DNAJB9: variants seen among roughly 807,000 people sequenced by gnomAD.
DNAJB9 encodes the protein DnaJ heat shock protein family (Hsp40) member B9, also known as dnaJ homolog subfamily B member 9.
A neutral mutation model predicts 19.2 loss-of-function variants in DNAJB9; 12 were observed. That is an observed-to-expected ratio of 0.62 (90% CI 0.40 to 1.01). The LOEUF (loss-of-function observed/expected upper bound fraction) is 1.01. DNAJB9 is among the 50% of genes least tolerant of loss of function. The pLI is 0.00. For synonymous variants in DNAJB9, 83 were observed against 84.0 expected (o/e 0.99, Z 0.07); for missense variants, 272 against 261.1 (o/e 1.04, Z -0.29).
Position 108,571,813 on chromosome 7 carries a change from T to A in DNAJB9, c.87T>A (p.Asp29Glu). The A allele has an allele frequency of 2.5e-6, 4 of 1,614,174 alleles. No individual in the cohort carries two copies. The highest frequency in any genetic ancestry group is 2.5e-6 in the Non-Finnish European group (3 of 1,180,018). The change falls in exon 2 of 3, where the codon GAT becomes GAA. Residue 29 changes from aspartate to glutamate, a missense_variant. Asp to Glu is a conservative substitution (Grantham distance 45). Coordinates refer to ENST00000249356, the MANE Select transcript of DNAJB9 (RefSeq NM_012328.3). Reference protein sequence around the residue: ...ELILASKSYYDILGVPKSASE... With the variant: ...ELILASKSYYEILGVPKSASE... ...TTCTGGCCTCAAAAAGCTACTATGA[T>A]ATCTTAGGTGTGCCAAAATCGGCAT...
chr7:108,571,181 C>A (rs968759060), intron 1 of DNAJB9, among the ~76,000 whole-genome samples: 1 of 152,016 alleles, frequency 6.6e-6, no homozygotes, highest in African/African-American at 2.4e-5. Flanking sequence ...TATTAAGATT[C>A]TCTATTTGCA....
chr7:108,573,611 G>T lies in DNAJB9; in HGVS notation c.*258G>T, dbSNP rs1353578590. The T allele has an allele frequency of 6.6e-6, 2 of 303,452 alleles. No homozygotes were observed. Among genetic ancestry groups the T allele is most frequent in the Non-Finnish European group, 1.2e-5 (2 of 166,926 alleles). 18.8% of individuals were successfully genotyped at this position (303,452 alleles called of 1,614,324 possible). On this transcript the variant is annotated 3_prime_UTR_variant, in exon 3 of 3. Coordinates refer to ENST00000249356, the MANE Select transcript of DNAJB9 (RefSeq NM_012328.3). ...TTTGCCTAGTGCTTTTTCTCTACCT[G>T]CCCTTGGGCTCACTAATATCACCAG...
rs1029120310 is a variant in DNAJB9 at position 108,572,842 on chromosome 7, A to G, written c.218-57A>G. 2.0e-5 allele frequency: 28 copies of G among 1,375,082 alleles called. No homozygotes were observed. The African/African-American group carries it at 2.9e-4, about 14-fold the overall frequency. The allele number at this position is 1,375,082 out of a possible 1,614,324, so 85.2% of individuals were successfully genotyped here. A position where few individuals can be genotyped will look rare whatever the true frequency, so the allele number is the denominator to read the frequency against. ...TTCACTTGCTTGAAGAGATTTGAAT[A>G]TATGTAATTTTGAATATTTTACCTT... is the stretch of plus-strand genomic sequence containing the variant. On this transcript the variant is annotated intron_variant, in intron 2 of 2. Transcript: ENST00000249356.
intron 1 of DNAJB9, 25 bp from the exon 2 acceptor site, chr7:108,571,692 C>T (rs1460240414): frequency 6.4e-7 from 1 of 1,567,100 alleles, no homozygotes; most frequent in Non-Finnish European, 8.7e-7. Context: ...CCATCCATAA[C>T]ATTTTTTTTT....
chr7:108,572,180 T>C (rs1235613826), intron 2 of DNAJB9: 1 of 373,228 alleles, frequency 2.7e-6, no homozygotes, highest in African/African-American at 2.1e-5. Flanking sequence ...ATATTGAAAA[T>C]CTATTCTATA....
At position 108,573,413 on chromosome 7, in the gene DNAJB9, AAACAATTTTCTGTG is replaced by A; in HGVS notation, c.*64_*77del. 1 of 1,297,816 alleles carries A rather than the reference AAACAATTTTCTGTG, an allele frequency of 7.7e-7. No homozygotes were observed. Among genetic ancestry groups the A allele is most frequent in the Non-Finnish European group, 1.0e-6 (1 of 974,602 alleles). 80.4% of individuals were successfully genotyped at this position (1,297,816 alleles called of 1,614,324 possible). On this transcript the variant is annotated 3_prime_UTR_variant, in exon 3 of 3. Transcript: ENST00000249356. ...ACTCTTCCTCATTATCTTTGATGCT[AAACAATTTTCTGTG>A]AACTATTTTGACAAGTGCATGATTT...
chr7:108,570,232 T>C (rs903142680), intron 1 of DNAJB9, 129 bp downstream of exon 1: 2 of 152,308 alleles, frequency 1.3e-5, no homozygotes, highest in Admixed American at 1.3e-4. Flanking sequence ...CTGCATGTTT[T>C]TGGCCGAGAG....
chr7:108,571,550 T>G (rs372337414), intron 1 of DNAJB9, among the ~76,000 whole-genome samples, 167 bp from the exon 2 acceptor site: 1 of 152,178 alleles, frequency 6.6e-6, no homozygotes, highest in Non-Finnish European at 1.5e-5. Context: ...TAAGCCAGTT[T>G]GAGAGTTATA....
At position 108,573,658 on chromosome 7, in the gene DNAJB9, G is replaced by C. The variant is rs377765156; in HGVS notation, c.*305G>C. 1.4e-5 allele frequency: 3 copies of C among 214,820 alleles called. No individual in the cohort carries two copies. The highest frequency in any genetic ancestry group is 2.7e-5 in the Non-Finnish European group (3 of 110,102). The allele number at this position is 214,820 out of a possible 1,614,324, so 13.3% of individuals were successfully genotyped here. On this transcript the variant is annotated 3_prime_UTR_variant, in exon 3 of 3. Transcript: ENST00000249356. ...CCAGTATTATTACCAAGAAAATATT[G>C]AGTTTACCTGATTAAACTTTAAAAG...
At chr7:108,570,253 CGGAGACA>C (rs1300949180) in intron 1 of DNAJB9, 150 bp downstream of exon 1, 2 of 152,252 alleles carry the variant, frequency 1.3e-5, no homozygotes, top group African/African-American at 4.8e-5. Context: ...AATGGAAGAA[CGGAGACA>C]GCCGCATCAC....
At chr7:108,572,429 T>C (rs1171693516) in intron 2 of DNAJB9, among the ~76,000 whole-genome samples, 2 of 152,248 alleles carry the variant, frequency 1.3e-5, no homozygotes, top group Non-Finnish European at 2.9e-5. Flanking sequence ...TTGCACCTGC[T>C]GAGCATTCAG....
chr7:108,571,799 A>G lies in DNAJB9; in HGVS notation c.73A>G (p.Lys25Glu), dbSNP rs150406585. The G allele has an allele frequency of 1.6e-4, 253 of 1,614,194 alleles. 1 individual carries two copies. The Middle Eastern group carries it at 3.6e-3, about 23-fold the overall frequency. ...GATAACAGAATTAATTCTGGCCTCAAAAAGCTACTATGATATCTTAGGTGT... is the reference window on the plus strand; with the variant it reads ...GATAACAGAATTAATTCTGGCCTCAGAAAGCTACTATGATATCTTAGGTGT... ...LMITELILAS[K>E]SYYDILGVPK... The change falls in exon 2 of 3, where the codon AAA becomes GAA. Residue 25 changes from lysine to glutamate, a missense_variant. Transcript: ENST00000249356.
intron 1 of DNAJB9, among the ~76,000 whole-genome samples, chr7:108,571,348 G>A (rs1790617657): frequency 6.6e-6 from 1 of 150,726 alleles, no homozygotes; most frequent in African/African-American, 2.4e-5. Context: ...TTCAGGATAT[G>A]AAGTCTTGAA....
Position 108,572,984 on chromosome 7 carries a change from A to AG in DNAJB9, c.305dup (p.Ser103Ter). 6.2e-7 allele frequency: 1 copy of AG among 1,614,048 alleles called. No individual in the cohort carries two copies. Among genetic ancestry groups the AG allele is most frequent in the Non-Finnish European group, 8.5e-7 (1 of 1,179,934 alleles). On this transcript the variant is annotated frameshift_variant, in exon 3 of 3. Coordinates refer to ENST00000249356, the MANE Select transcript of DNAJB9 (RefSeq NM_012328.3). LOFTEE classifies it high-confidence loss of function. ...CTTTTACTAGTGGTAAAGGACAAAG[A>AG]GGTAGTGGAAGTTCTTTTGAGCAGT...
Position 108,573,426 on chromosome 7 carries a change from T to C in DNAJB9, c.*73T>C. 8.6e-7 allele frequency: 1 copy of C among 1,162,066 alleles called. No homozygotes were observed. Among genetic ancestry groups the C allele is most frequent in the Non-Finnish European group, 1.2e-6 (1 of 857,152 alleles). 72.0% of individuals were successfully genotyped at this position (1,162,066 alleles called of 1,614,324 possible). A position where few individuals can be genotyped will look rare whatever the true frequency, so the allele number is the denominator to read the frequency against. On this transcript the variant is annotated 3_prime_UTR_variant, in exon 3 of 3. Transcript: ENST00000249356. ...ATCTTTGATGCTAAACAATTTTCTG[T>C]GAACTATTTTGACAAGTGCATGATT...
Position 108,574,675 on chromosome 7 carries a change from C to G in DNAJB9, c.*1322C>G, listed in dbSNP as rs1333483350. 1.3e-5 allele frequency: 2 copies of G among 152,046 alleles called. No individual in the cohort carries two copies. Among genetic ancestry groups the G allele is most frequent in the Non-Finnish European group, 2.9e-5 (2 of 67,996 alleles). The allele number at this position is 152,046 out of a possible 1,614,324, so 9.4% of individuals were successfully genotyped here. A position where few individuals can be genotyped will look rare whatever the true frequency, so the allele number is the denominator to read the frequency against. On this transcript the variant is annotated 3_prime_UTR_variant, in exon 3 of 3. Coordinates refer to ENST00000249356, the MANE Select transcript of DNAJB9 (RefSeq NM_012328.3). Reference sequence around the variant, plus strand: ...CAAGTGTTCCTGCTGCCAGTTCTTTCCTCTTTAGGCGTGGTTGAGAAAAAG... The same window carrying G: ...CAAGTGTTCCTGCTGCCAGTTCTTTGCTCTTTAGGCGTGGTTGAGAAAAAG...
chr7:108,570,536 C>G (rs1390632087), intron 1 of DNAJB9, among the ~76,000 whole-genome samples: 1 of 152,124 alleles, frequency 6.6e-6, no homozygotes, highest in Non-Finnish European at 1.5e-5. Context: ...CACCTTGAGA[C>G]CGTGGAATAA....
At chr7:108,572,604 CTGAT>C (rs1790636002) in intron 2 of DNAJB9, among the ~76,000 whole-genome samples, 1 of 152,160 alleles carries the variant, frequency 6.6e-6, no homozygotes, top group Admixed American at 6.5e-5. Flanking sequence ...TTAAAGAACT[CTGAT>C]TGTTGCCCAC....
intron 1 of DNAJB9, among the ~76,000 whole-genome samples, chr7:108,570,912 G>C (rs547474146): frequency 6.6e-6 from 1 of 152,238 alleles, no homozygotes; most frequent in Admixed American, 6.5e-5. Flanking sequence ...ATATTGTCAA[G>C]AATTCTAAGT....
Sources: allele counts gnomAD v4.1 joint callset (sites outside exome capture counted in the v4.1 genomes callset), GRCh38; gene constraint gnomAD v4.1.1; transcripts MANE v1.5; gene names NCBI Gene and HGNC (gene_info 2026-07-23, HGNC 2026-07-21).